The following DNAAF11 variants were observed in gnomAD, a reference collection of about 807,000 sequenced individuals.
DNAAF11 encodes the protein dynein axonemal assembly factor 11.
In DNAAF11, 45 loss-of-function variants were observed where a neutral mutation model predicts 60.8. The observed-to-expected ratio is 0.74, with a 90% CI of 0.58 to 0.95. The LOEUF (loss-of-function observed/expected upper bound fraction) is 0.95. Among genes scored for constraint, DNAAF11 ranks in the 40% least tolerant of loss-of-function variants. The pLI is 0.00. For missense variants in DNAAF11, 546 were observed against 546.2 expected (o/e 1.00, Z 0.00); for synonymous variants, 191 against 183.5 (o/e 1.04, Z -0.33).
At chr8:132,640,748 T>A (rs536391818) in intron 3 of DNAAF11, among the ~76,000 whole-genome samples, 1 of 152,256 alleles carries the variant, frequency 6.6e-6, no homozygotes, top group South Asian at 2.1e-4. Flanking sequence ...TGCAACAAAA[T>A]ACATTAATAA....
At chr8:132,671,020 C>T (rs146542118) in intron 1 of DNAAF11, among the ~76,000 whole-genome samples, 4 of 151,992 alleles carry the variant, frequency 2.6e-5, no homozygotes, top group Non-Finnish European at 5.9e-5. Flanking sequence ...AGACTCTTCC[C>T]GTAAGAATCA....
At chr8:132,675,039 C>CAGAG (rs1825653160) in intron 1 of DNAAF11, among the ~76,000 whole-genome samples, 1 of 152,194 alleles carries the variant, frequency 6.6e-6, no homozygotes, top group Non-Finnish European at 1.5e-5. Context: ...ACCCTGGCTC[C>CAGAG]AGAGTCGGAA....
At chr8:132,572,903 T>C (rs1032971672) in intron 11 of DNAAF11, among the ~76,000 whole-genome samples, 2 of 152,070 alleles carry the variant, frequency 1.3e-5, no homozygotes, top group African/African-American at 4.8e-5. Flanking sequence ...CTTCAGACAA[T>C]CTAACTTGCA....
At chr8:132,644,931 G>T (rs1018993573) in intron 3 of DNAAF11, among the ~76,000 whole-genome samples, 1 of 152,192 alleles carries the variant, frequency 6.6e-6, no homozygotes, top group Non-Finnish European at 1.5e-5. Flanking sequence ...ACAAAAGACA[G>T]GAGAAACTTC....
chr8:132,681,795 G>A, the DNAAF11 span, among the ~76,000 whole-genome samples: 6 of 152,290 alleles, frequency 3.9e-5, no homozygotes, highest in East Asian at 9.7e-4. Context: ...AAAGGCAAGA[G>A]GTGATGTTTT....
the DNAAF11 span, among the ~76,000 whole-genome samples, chr8:132,698,965 C>A: frequency 5.7e-3 from 556 of 97,600 alleles, 8 homozygotes; most frequent in African/African-American, 0.03. Context: ...TACACACACA[C>A]ACACACAAAA....
At chr8:132,613,320 C>T (rs73355153) in intron 8 of DNAAF11, among the ~76,000 whole-genome samples, 11,665 of 152,146 alleles carry the variant, frequency 0.077, 1,217 homozygotes, top group African/African-American at 0.24. Flanking sequence ...AAATGTGGTA[C>T]ATCTATGCAA....
intron 7 of DNAAF11, among the ~76,000 whole-genome samples, chr8:132,619,459 T>TA (rs60661885): frequency 0.42 from 62,942 of 150,728 alleles, 13,871 homozygotes; most frequent in African/African-American, 0.55. Flanking sequence ...AATAATAAAT[T>TA]AAAAAAAAAG....
intron 2 of DNAAF11, 54 bp from the exon 3 acceptor site, chr8:132,656,961 T>G (rs1489095819): frequency 4.7e-6 from 3 of 632,984 alleles, no homozygotes; most frequent in Non-Finnish European, 8.3e-6. Context: ...TAAAGACACT[T>G]TTATGTAATC....
chr8:132,655,422 A>G (rs944364642), intron 3 of DNAAF11, among the ~76,000 whole-genome samples: 5 of 152,134 alleles, frequency 3.3e-5, no homozygotes, highest in African/African-American at 1.2e-4. Context: ...CTATCCAGAC[A>G]GTAAAACCAA....
At chr8:132,680,839 C>T in the DNAAF11 span, among the ~76,000 whole-genome samples, 1 of 151,332 alleles carries the variant, frequency 6.6e-6, no homozygotes, top group Non-Finnish European at 1.5e-5. Context: ...TACCAGGCAC[C>T]TTGAGGACTA....
intron 10 of DNAAF11, among the ~76,000 whole-genome samples, chr8:132,609,522 T>C (rs1818442837): frequency 6.6e-6 from 1 of 152,188 alleles, no homozygotes; most frequent in Non-Finnish European, 1.5e-5. Flanking sequence ...TAATCAAGAC[T>C]TGGTGGGCTC....
chr8:132,691,233 A>G, the DNAAF11 span, among the ~76,000 whole-genome samples: 90 of 152,254 alleles, frequency 5.9e-4, no homozygotes, highest in Non-Finnish European at 1.1e-3. Context: ...TTGGGTTAGA[A>G]TCCACTATTA....
At chr8:132,691,330 A>C in the DNAAF11 span, among the ~76,000 whole-genome samples, 1 of 152,134 alleles carries the variant, frequency 6.6e-6, no homozygotes, top group African/African-American at 2.4e-5. Flanking sequence ...TATACCTGTC[A>C]TTATGAGTTT....
Position 132,617,656 on chromosome 8 carries a change from T to C in DNAAF11, c.915-2559A>G, listed in dbSNP as rs141191725. 2.0e-3 allele frequency among the ~76,000 whole-genome samples: 312 copies of C among 152,292 alleles called. 1 individual carries two copies. The highest frequency in any genetic ancestry group is 6.9e-3 in the African/African-American group (287 of 41,576). ...TTGCCCTGGCCAGAACTTCCAACAC[T>C]ATGTTGAATAGGAGTGGTGAGAGAG... On this transcript the variant is annotated intron_variant, in intron 7 of 11. Coordinates refer to ENST00000620350, the MANE Select transcript of DNAAF11 (RefSeq NM_012472.6).
chr8:132,620,520 A>C (rs1819649075), intron 7 of DNAAF11, among the ~76,000 whole-genome samples: 1 of 152,010 alleles, frequency 6.6e-6, no homozygotes, highest in Non-Finnish European at 1.5e-5. Flanking sequence ...TTTTCAGTAG[A>C]GATGGGGTTT....
intron 3 of DNAAF11, among the ~76,000 whole-genome samples, chr8:132,650,259 A>G (rs1021143434): frequency 2.6e-5 from 4 of 152,168 alleles, no homozygotes; most frequent in African/African-American, 9.7e-5. Context: ...TGAGCAAACT[A>G]TTGCAAAGAC....
chr8:132,606,683 A>T (rs10108259), intron 10 of DNAAF11, among the ~76,000 whole-genome samples: 50,350 of 127,762 alleles, frequency 0.39, 8,816 homozygotes, highest in African/African-American at 0.59. Flanking sequence ...TTTTAATTTT[A>T]ATTTTTATTT....
At position 132,666,661 on chromosome 8, in the gene DNAAF11, GAGC is replaced by G. The variant is rs775499248; in HGVS notation, c.11-5037_11-5035del. 1.4e-4 allele frequency among the ~76,000 whole-genome samples: 22 copies of G among 152,146 alleles called. No homozygotes were observed. The East Asian group carries it at 1.5e-3, about 11-fold the overall frequency. On this transcript the variant is annotated intron_variant, in intron 1 of 11. Coordinates refer to ENST00000620350, the MANE Select transcript of DNAAF11 (RefSeq NM_012472.6). ...TTAACCAGAAAAAAAGAAGAGAATG[GAGC>G]AGAAGAAACAGCACAGTGCAAAGGC...
Sources: allele counts gnomAD v4.1 joint callset (sites outside exome capture counted in the v4.1 genomes callset), GRCh38; gene constraint gnomAD v4.1.1; transcripts MANE v1.5; gene names NCBI Gene and HGNC (gene_info 2026-07-23, HGNC 2026-07-21).